The following LAT2 variants were observed in gnomAD, a reference collection of about 807,000 sequenced individuals.
The protein encoded by LAT2 is linker for activation of T cells family member 2.
Under a neutral mutation model 43.4 loss-of-function variants are expected in LAT2, and 23 were observed. The ratio of observed to expected loss-of-function variants is 0.53; its 90% confidence interval spans 0.38 to 0.75. The LOEUF (loss-of-function observed/expected upper bound fraction) is 0.75, where lower values mean the gene tolerates loss of function less well. Ranked by LOEUF, LAT2 falls within the 30% of genes least tolerant of loss-of-function variation. The pLI is 0.00. For missense variants in LAT2, 284 were observed against 310.2 expected (o/e 0.92, Z 0.64); for synonymous variants, 128 against 123.2 (o/e 1.04, Z -0.26).
At chr7:74,215,837 T>G (rs1584213467) in intron 2 of LAT2, 110 bp from the exon 3 acceptor site, 3 of 739,528 alleles carry the variant, frequency 4.1e-6, no homozygotes, top group Non-Finnish European at 4.8e-6. Context: ...GGAGGGGAGG[T>G]GGTGTTTCCG....
chr7:74,210,361 A>G (rs544907367), intron 1 of LAT2, among the ~76,000 whole-genome samples: 9,550 of 152,178 alleles, frequency 0.063, 971 homozygotes, highest in African/African-American at 0.21. Context: ...TGGTGAAGTA[A>G]GTGGCCGAGA....
rs1361405071 is a variant in LAT2, at chr7:74,215,886, G to A, written c.-29-61G>A. The A allele has an allele frequency of 4.4e-6, 5 of 1,137,540 alleles. No individual in the cohort carries two copies. In the East Asian group the frequency reaches 9.4e-5, roughly 21 times the overall value. 70.5% of individuals were successfully genotyped at this position (1,137,540 alleles called of 1,614,324 possible). ...GGTATGGGGCTGTCCGAGCACAGTG[G>A]GGGTGTGGGGTAGGATTCCTGAAAA... On this transcript the variant is annotated intron_variant, in intron 2 of 13. Coordinates refer to ENST00000460943, the MANE Select transcript of LAT2 (RefSeq NM_032464.3).
chr7:74,219,103 C>G (rs1258860263), intron 4 of LAT2, among the ~76,000 whole-genome samples: 15 of 132,850 alleles, frequency 1.1e-4, no homozygotes, highest in African/African-American at 4.1e-4. Context: ...GTGGTGCAAT[C>G]TCGGCTCACT....
At chr7:74,225,792 G>A (rs1554716028) in intron 13 of LAT2, 2 of 152,416 alleles carry the variant, frequency 1.3e-5, no homozygotes, top group African/African-American at 4.8e-5. Flanking sequence ...CAGGCTGGAG[G>A]GTGGAAACCA....
chr7:74,223,042 C>T (rs112793029), intron 10 of LAT2, among the ~76,000 whole-genome samples: 3,330 of 152,322 alleles, frequency 0.022, 112 homozygotes, highest in African/African-American at 0.074. Flanking sequence ...CCTGCCCTAT[C>T]TGGAAGAGTC....
At chr7:74,219,833 C>A in intron 5 of LAT2, 46 bp downstream of exon 5, 1 of 1,613,044 alleles carries the variant, frequency 6.2e-7, no homozygotes, top group East Asian at 2.2e-5. Context: ...TTGGGGGTGT[C>A]CCTATCAAGT....
In LAT2 at chr7:74,219,999, C is replaced by T. The variant is rs782496567; in HGVS notation, c.218C>T (p.Ala73Val). The T allele has an allele frequency of 2.5e-6, 4 of 1,613,688 alleles. No individual in the cohort carries two copies. In the South Asian group the frequency reaches 4.4e-5, roughly 18 times the overall value. The change falls in exon 6 of 14, where the codon GCA becomes GTA. Residue 73 changes from alanine to valine, a missense_variant. Coordinates refer to ENST00000460943, the MANE Select transcript of LAT2 (RefSeq NM_032464.3). ...QAWPGPLADM[A>V]PTRKDKLLQF... The stretch of plus-strand genomic sequence containing the variant: ...TGGCCAGGACCCCTGGCGGACATGG[C>T]ACCCACAAGGTAGGTCACAGTCCCC...
chr7:74,216,102 A>T, intron 3 of LAT2, 33 bp downstream of exon 3: 1 of 1,568,970 alleles, frequency 6.4e-7, no homozygotes, highest in Non-Finnish European at 8.7e-7. Context: ...TGATGGGGAG[A>T]AGGTGTGGAC....
At position 74,223,744 on chromosome 7, in the gene LAT2, G is replaced by C. The variant is rs549321328; in HGVS notation, c.409G>C (p.Glu137Gln). 1 of 1,613,760 alleles carries C rather than the reference G, an allele frequency of 6.2e-7. No homozygotes were observed. Among genetic ancestry groups the C allele is most frequent in the African/African-American group, 1.3e-5 (1 of 74,846 alleles). Reference protein sequence around the residue: ...PPEDDDANSYENVLICKQKTT... With the variant: ...PPEDDDANSYQNVLICKQKTT... ...TGCAGATGATGATGCCAATTCCTAC[G>C]AGAATGTGCTCATTTGCAAGCAGAA... is the stretch of plus-strand genomic sequence containing the variant. Residue 137 changes from glutamate (E) to glutamine (Q), a missense_variant, in exon 11 of 14, where the codon GAG becomes CAG. Transcript: ENST00000460943.
intron 5 of LAT2, 62 bp from the exon 6 acceptor site, chr7:74,219,898 T>C: frequency 6.2e-7 from 1 of 1,606,042 alleles, no homozygotes; most frequent in Non-Finnish European, 8.5e-7. Flanking sequence ...GGGGGGATGA[T>C]GGGGTGAGGG....
Position 74,220,998 on chromosome 7 carries a change from C to T in LAT2, c.332+264C>T, listed in dbSNP as rs943856307. The stretch of plus-strand genomic sequence containing the variant: ...GCTCTGGGACACAGAGTGTCAGGGG[C>T]GGGGGATAGAGACTCATTCAGCATC... On this transcript the variant is annotated intron_variant, in intron 9 of 13. Transcript: ENST00000460943. The surrounding 1 kb of genome is among the most constrained non-coding windows in gnomAD (Gnocchi z 4.5). 2.6e-5 allele frequency among the ~76,000 whole-genome samples: 4 copies of T among 152,238 alleles called. No individual in the cohort carries two copies. The highest frequency in any genetic ancestry group is 1.9e-4 in the East Asian group (1 of 5,172).
chr7:74,224,767 C>A lies in LAT2; in HGVS notation c.*18+7C>A, dbSNP rs1554715861. Reference sequence around the variant, plus strand: ...GGGCAGACCAAGAAGAAAGGTACAGCCCCTGCTCTCCAGCTGCCGTGGGCC... The same window carrying A: ...GGGCAGACCAAGAAGAAAGGTACAGACCCTGCTCTCCAGCTGCCGTGGGCC... On this transcript the variant is annotated splice_region_variant and intron_variant, in intron 13 of 13. Transcript: ENST00000460943. The A allele has an allele frequency of 6.6e-7, 1 of 1,519,204 alleles. No individual in the cohort carries two copies. Among genetic ancestry groups the A allele is most frequent in the Non-Finnish European group, 8.9e-7 (1 of 1,125,252 alleles). The allele number at this position is 1,519,204 out of a possible 1,614,324, so 94.1% of individuals were successfully genotyped here. A position where few individuals can be genotyped will look rare whatever the true frequency, so the allele number is the denominator to read the frequency against.
intron 4 of LAT2, among the ~76,000 whole-genome samples, chr7:74,217,270 A>C (rs1554714412): frequency 6.6e-6 from 1 of 151,986 alleles, no homozygotes; most frequent in Non-Finnish European, 1.5e-5. Flanking sequence ...CATTTCTACT[A>C]AAATACAAAA....
At chr7:74,221,572 A>G (rs1160422691) in intron 9 of LAT2, 65 bp from the exon 10 acceptor site, 3 of 1,367,100 alleles carry the variant, frequency 2.2e-6, no homozygotes, top group Non-Finnish European at 3.1e-6. Context: ...CCGCCCCCTT[A>G]TGGAGCCCCC....
intron 10 of LAT2, among the ~76,000 whole-genome samples, chr7:74,223,183 C>T (rs1279914658): frequency 6.6e-6 from 1 of 152,182 alleles, no homozygotes; most frequent in Non-Finnish European, 1.5e-5. Flanking sequence ...GCAGAGTACC[C>T]CCTCCAGAGT....
At position 74,220,023 on chromosome 7, in the gene LAT2, C is replaced by T. The variant is rs1554714894; in HGVS notation, c.227+15C>T. 6.2e-7 allele frequency: 1 copy of T among 1,613,050 alleles called. No individual in the cohort carries two copies. Among genetic ancestry groups the T allele is most frequent in the Non-Finnish European group, 8.5e-7 (1 of 1,179,510 alleles). ...GCACCCACAAGGTAGGTCACAGTCC[C>T]CCAGGAAGTGACAAGAATGAAAGTC... On this transcript the variant is annotated intron_variant, in intron 6 of 13. Transcript: ENST00000460943. This position sits in a 1 kb window ranked among gnomAD's most constrained non-coding sequence, Gnocchi z 4.5.
chr7:74,219,024 T>A, intron 4 of LAT2, among the ~76,000 whole-genome samples: 1 of 89,800 alleles, frequency 1.1e-5, no homozygotes, highest in Non-Finnish European at 2.2e-5. Context: ...TTTTTTTTTT[T>A]TTTTTTTTTT....
Position 74,220,257 on chromosome 7 carries a change from G to T in LAT2, c.265+3G>T. 6.2e-7 allele frequency: 1 copy of T among 1,611,512 alleles called. No homozygotes were observed. Among genetic ancestry groups the T allele is most frequent in the Non-Finnish European group, 8.5e-7 (1 of 1,178,420 alleles). ...GCAATTCTACCCCAGCCTGGAGGGT[G>T]AGTGGCACAGGGCAGGGACAGGGAC... On this transcript the variant is annotated splice_donor_region_variant and intron_variant, in intron 7 of 13. Coordinates refer to ENST00000460943, the MANE Select transcript of LAT2 (RefSeq NM_032464.3). The surrounding 1 kb of genome is among the most constrained non-coding windows in gnomAD (Gnocchi z 4.5).
At chr7:74,225,367 G>A (rs1399349388) in intron 13 of LAT2, 1 of 152,354 alleles carries the variant, frequency 6.6e-6, no homozygotes, top group African/African-American at 2.4e-5. Flanking sequence ...TCAACCCTGG[G>A]TGACAGAGCG....
Sources: allele counts gnomAD v4.1 joint callset (sites outside exome capture counted in the v4.1 genomes callset), GRCh38; gene constraint gnomAD v4.1.1; non-coding constraint Gnocchi (gnomAD v3.1); transcripts MANE v1.5; gene names NCBI Gene and HGNC (gene_info 2026-07-23, HGNC 2026-07-21).